The following GPR158 variants were observed in gnomAD, a reference collection of about 807,000 sequenced individuals.
The protein encoded by GPR158 is metabotropic glycine receptor.
A neutral mutation model predicts 78.2 loss-of-function variants in GPR158; 30 were observed. The observed-to-expected ratio is 0.38, with a 90% CI of 0.29 to 0.52. The LOEUF is 0.52. Ranked by LOEUF, GPR158 falls within the 20% of genes least tolerant of loss-of-function variation. The pLI, the probability that GPR158 is intolerant of heterozygous loss-of-function variation, is 0.83. For synonymous variants in GPR158, 581 were observed against 591.1 expected (o/e 0.98, Z 0.25); for missense variants, 1,463 against 1,523.5 (o/e 0.96, Z 0.66).
At position 25,560,810 on chromosome 10, in the gene GPR158, T is replaced by C. The variant is rs191705252; in HGVS notation, c.1514+9725T>C. ...GCAAAAGTAGAGCAATTAGGTCTTA[T>C]AAAATTAGATGGAAACTTTCCTTGG... On this transcript the variant is annotated intron_variant, in intron 6 of 10. Coordinates refer to ENST00000376351, the MANE Select transcript of GPR158 (RefSeq NM_020752.3). Among the ~76,000 whole-genome samples the C allele has an allele frequency of 1.2e-4, 19 of 152,324 alleles. No homozygotes were observed. In the East Asian group the frequency reaches 3.5e-3, roughly 28 times the overall value.
At chr10:25,312,726 G>A (rs1854783425) in intron 2 of GPR158, among the ~76,000 whole-genome samples, 2 of 152,074 alleles carry the variant, frequency 1.3e-5, no homozygotes, top group Admixed American at 6.6e-5. Context: ...AAAAAGAAAT[G>A]TATGCAAAGC....
At chr10:25,565,867 G>C (rs1030884319) in intron 6 of GPR158, among the ~76,000 whole-genome samples, 3 of 152,214 alleles carry the variant, frequency 2.0e-5, no homozygotes, top group African/African-American at 7.2e-5. Context: ...ATTGAGCCAA[G>C]TGAAAGTACA....
intron 1 of GPR158, among the ~76,000 whole-genome samples, chr10:25,216,891 A>G (rs1400114274): frequency 6.6e-6 from 1 of 152,210 alleles, no homozygotes; most frequent in Non-Finnish European, 1.5e-5. Context: ...TAAGGAATAT[A>G]TGCATGACAG....
intron 2 of GPR158, among the ~76,000 whole-genome samples, chr10:25,266,247 A>G (rs1164452834): frequency 1.3e-5 from 2 of 152,098 alleles, no homozygotes; most frequent in Admixed American, 6.6e-5. Context: ...TGAAATTTAC[A>G]TGTTTAAGTG....
At chr10:25,458,791 T>C (rs1371995019) in intron 4 of GPR158, among the ~76,000 whole-genome samples, 1 of 152,218 alleles carries the variant, frequency 6.6e-6, no homozygotes, top group Non-Finnish European at 1.5e-5. Context: ...ATCCATCAGT[T>C]TGTAATTCTC....
Position 25,452,715 on chromosome 10 carries a change from A to G in GPR158, c.1336-13936A>G, listed in dbSNP as rs1835237794. Among the ~76,000 whole-genome samples, 4 of 152,198 alleles carry G rather than the reference A, an allele frequency of 2.6e-5. No homozygotes were observed. In the South Asian group the frequency reaches 8.3e-4, roughly 32 times the overall value. On this transcript the variant is annotated intron_variant, in intron 4 of 10. Transcript: ENST00000376351. ...ATTTTGAAATATTTAATTGACAAAGATGGTATATATTCAAAGTGTACAACA... is the reference window on the plus strand; with the variant it reads ...ATTTTGAAATATTTAATTGACAAAGGTGGTATATATTCAAAGTGTACAACA...
At chr10:25,370,599 A>G (rs1415064070) in intron 2 of GPR158, among the ~76,000 whole-genome samples, 2 of 147,184 alleles carry the variant, frequency 1.4e-5, no homozygotes, top group South Asian at 4.5e-4. Flanking sequence ...TATGTGGTCA[A>G]TTTTGGAATA....
intron 5 of GPR158, among the ~76,000 whole-genome samples, chr10:25,536,262 G>C (rs746170332): frequency 5.3e-5 from 8 of 151,954 alleles, no homozygotes; most frequent in Non-Finnish European, 1.0e-4. Flanking sequence ...AAATTCATTT[G>C]TAAAATAATG....
intron 5 of GPR158, among the ~76,000 whole-genome samples, chr10:25,513,840 T>C (rs576124081): frequency 3.5e-4 from 54 of 152,310 alleles, no homozygotes; most frequent in African/African-American, 1.3e-3. Flanking sequence ...GGGGTTCATT[T>C]TGGAGTTGAT....
intron 5 of GPR158, among the ~76,000 whole-genome samples, chr10:25,509,158 C>G (rs991684467): frequency 6.6e-6 from 1 of 152,178 alleles, no homozygotes; most frequent in African/African-American, 2.4e-5. Context: ...CACCGCCTCC[C>G]TCACTGTGAT....
At chr10:25,379,325 A>G (rs1444581741) in intron 2 of GPR158, among the ~76,000 whole-genome samples, 1 of 152,152 alleles carries the variant, frequency 6.6e-6, no homozygotes, top group Non-Finnish European at 1.5e-5. Flanking sequence ...TTTTCCAGAG[A>G]GGCTTTAACC....
At chr10:25,546,072 C>T (rs551618685) in intron 5 of GPR158, among the ~76,000 whole-genome samples, 45 of 152,190 alleles carry the variant, frequency 3.0e-4, no homozygotes, top group South Asian at 2.1e-4. Flanking sequence ...CATGAATGCC[C>T]GCCCTGAGCT....
At chr10:25,190,631 C>T (rs1052679816) in intron 1 of GPR158, among the ~76,000 whole-genome samples, 4 of 152,108 alleles carry the variant, frequency 2.6e-5, no homozygotes, top group African/African-American at 7.2e-5. Flanking sequence ...GCTGCTGGCC[C>T]TACATATACA....
intron 2 of GPR158, among the ~76,000 whole-genome samples, chr10:25,291,979 C>T (rs539908230): frequency 9.2e-5 from 14 of 152,156 alleles, no homozygotes; most frequent in East Asian, 1.9e-4. Context: ...ACTGTAGTCA[C>T]GGGGAGTTTA....
chr10:25,205,988 CTTTT>C (rs34835235), intron 1 of GPR158, among the ~76,000 whole-genome samples: 8 of 135,548 alleles, frequency 5.9e-5, no homozygotes, highest in Admixed American at 1.5e-4. Context: ...GTGGGTCCCT[CTTTT>C]TTTTTTTTTT....
chr10:25,384,836 A>T (rs1396986974), intron 2 of GPR158, among the ~76,000 whole-genome samples: 2 of 152,116 alleles, frequency 1.3e-5, no homozygotes, highest in African/African-American at 4.8e-5. Context: ...GTTTACCAGG[A>T]GTTGGCAGTC....
At chr10:25,241,155 TTC>T (rs1491132834) in intron 2 of GPR158, among the ~76,000 whole-genome samples, 1 of 121,182 alleles carries the variant, frequency 8.3e-6, no homozygotes, top group Admixed American at 8.4e-5. Flanking sequence ...CTTTCTTTCT[TTC>T]TTTCTTTCTT....
intron 2 of GPR158, among the ~76,000 whole-genome samples, chr10:25,335,673 T>C (rs1588806283): frequency 6.6e-6 from 1 of 152,050 alleles, no homozygotes; most frequent in Non-Finnish European, 1.5e-5. Flanking sequence ...TTCTTGAAAT[T>C]TGTAAAACAA....
rs144484448 is a variant in GPR158 at position 25,382,708 on chromosome 10, C to G, written c.1009-13203C>G. Among the ~76,000 whole-genome samples, 929 of 152,264 alleles carry G rather than the reference C, an allele frequency of 6.1e-3. 15 individuals carry two copies. The highest frequency in any genetic ancestry group is 0.022 in the African/African-American group (896 of 41,548). ...AGTGTTTTCCTTTGGCTTTAATAAACTTGCAAATAGTTGTGGGAAAGAGGC... is the reference window on the plus strand; with the variant it reads ...AGTGTTTTCCTTTGGCTTTAATAAAGTTGCAAATAGTTGTGGGAAAGAGGC... On this transcript the variant is annotated intron_variant, in intron 2 of 10. Coordinates refer to ENST00000376351, the MANE Select transcript of GPR158 (RefSeq NM_020752.3).
Sources: gnomAD v4.1 joint callset for allele counts (sites outside exome capture counted in the v4.1 genomes callset) on GRCh38, gnomAD v4.1.1 for gene constraint, MANE v1.5 for transcripts, NCBI Gene and HGNC (gene_info 2026-07-23, HGNC 2026-07-21) for gene names.